ELF2: variants seen among roughly 807,000 people sequenced by gnomAD.
ELF2 encodes E74 like ETS transcription factor 2.
ELF2 carries 11 observed loss-of-function variants against 54.8 expected under a neutral mutation model. The observed-to-expected ratio is 0.20, with a 90% confidence interval of 0.13 to 0.33. ELF2 has a LOEUF of 0.33. Among genes scored for constraint, ELF2 ranks in the 10% least tolerant of loss-of-function variants. The pLI is 1.00. For missense variants in ELF2, 513 were observed against 703.0 expected, an observed-to-expected ratio of 0.73 and a Z score of 3.06; for synonymous variants, 203 against 245.1, an observed-to-expected ratio of 0.83 and a Z score of 1.61.
chr4:139,083,920 C>T (rs139876134), intron 4 of ELF2, among the ~76,000 whole-genome samples: 2 of 152,314 alleles, frequency 1.3e-5, no homozygotes, highest in African/African-American at 4.8e-5. Flanking sequence ...GCGACAGCGC[C>T]GGATTCGAGG....
chr4:139,118,660 A>G (rs1736000302), intron 4 of ELF2, among the ~76,000 whole-genome samples: 1 of 152,150 alleles, frequency 6.6e-6, no homozygotes, highest in African/African-American at 2.4e-5. Context: ...AGGAAAAAGT[A>G]TAAACTGAAG....
At chr4:139,147,446 T>A (rs1739329760) in intron 1 of ELF2, among the ~76,000 whole-genome samples, 1 of 152,184 alleles carries the variant, frequency 6.6e-6, no homozygotes, top group African/African-American at 2.4e-5. Context: ...AAATGTAAAT[T>A]AGTGCAACCT....
intron 3 of ELF2, among the ~76,000 whole-genome samples, chr4:139,132,864 ATATATAT>A (rs1560848524): frequency 6.4e-5 from 9 of 140,912 alleles, no homozygotes; most frequent in South Asian, 4.3e-4. Context: ...ATATATATAT[ATATATAT>A]ATAAAATATG....
chr4:139,073,692 T>C (rs1729851663), intron 4 of ELF2, 125 bp from the exon 5 acceptor site: 2 of 462,520 alleles, frequency 4.3e-6, no homozygotes, highest in South Asian at 8.4e-5. Context: ...TAAAATAACA[T>C]GACTAACTCT....
intron 1 of ELF2, among the ~76,000 whole-genome samples, chr4:139,147,032 C>A (rs1182373551): frequency 1.3e-5 from 2 of 152,038 alleles, no homozygotes; most frequent in Non-Finnish European, 2.9e-5. Flanking sequence ...TAAATGGGAC[C>A]TAATTAAACT....
At chr4:139,144,185 G>C (rs1738992626) in intron 1 of ELF2, among the ~76,000 whole-genome samples, 1 of 152,052 alleles carries the variant, frequency 6.6e-6, no homozygotes, top group Admixed American at 6.6e-5. Context: ...AGTGTGAGAG[G>C]GAGAGAGATT....
chr4:139,113,515 C>G (rs1010181954), intron 4 of ELF2, among the ~76,000 whole-genome samples: 1 of 150,588 alleles, frequency 6.6e-6, no homozygotes, highest in South Asian at 2.1e-4. Context: ...GAGCCAAGAT[C>G]GTGCCACTGC....
chr4:139,092,596 C>T (rs1051315460), intron 4 of ELF2, among the ~76,000 whole-genome samples: 7 of 151,974 alleles, frequency 4.6e-5, no homozygotes, highest in African/African-American at 1.5e-4. Flanking sequence ...CATCCTGGAT[C>T]GAGACCATCC....
intron 4 of ELF2, among the ~76,000 whole-genome samples, chr4:139,107,807 G>A (rs1034709561): frequency 3.9e-5 from 6 of 152,164 alleles, no homozygotes; most frequent in Non-Finnish European, 8.8e-5. Flanking sequence ...ACTCTCACAA[G>A]TATGGGATAG....
intron 1 of ELF2, among the ~76,000 whole-genome samples, chr4:139,143,802 A>G (rs1738949106): frequency 6.6e-6 from 1 of 152,166 alleles, no homozygotes; most frequent in African/African-American, 2.4e-5. Context: ...AAACTAAAAT[A>G]AAGACTAGAA....
intron 4 of ELF2, among the ~76,000 whole-genome samples, chr4:139,118,861 T>C (rs1003695833): frequency 6.6e-6 from 1 of 152,224 alleles, no homozygotes; most frequent in Non-Finnish European, 1.5e-5. Context: ...ATTTATTTTA[T>C]GTAATCTTCA....
intron 1 of ELF2, among the ~76,000 whole-genome samples, chr4:139,156,300 C>T (rs186703511): frequency 6.6e-6 from 1 of 152,030 alleles, no homozygotes; most frequent in Non-Finnish European, 1.5e-5. Flanking sequence ...CTCAGCCTCC[C>T]GAGTAGCTGG....
intron 4 of ELF2, among the ~76,000 whole-genome samples, chr4:139,124,125 G>A (rs1181788402): frequency 6.6e-6 from 1 of 152,092 alleles, no homozygotes; most frequent in Non-Finnish European, 1.5e-5. Context: ...CGAGCCACCT[G>A]CCCCAGTCTC....
At chr4:139,135,692 C>T (rs1738079760) in intron 3 of ELF2, among the ~76,000 whole-genome samples, 3 of 152,088 alleles carry the variant, frequency 2.0e-5, no homozygotes, top group Non-Finnish European at 4.4e-5. Context: ...GTAGCATAAA[C>T]AAAAAACTCC....
At chr4:139,084,613 A>C (rs1282843702) in intron 4 of ELF2, 1 of 171,148 alleles carries the variant, frequency 5.8e-6, no homozygotes, top group Non-Finnish European at 1.2e-5. Flanking sequence ...GCGCGAGGAC[A>C]CAGCCCCTCG....
Position 139,073,588 on chromosome 4 carries a change from A to T in ELF2, c.239-21T>A, listed in dbSNP as rs775410389. 5 of 1,453,926 alleles carry T rather than the reference A, an allele frequency of 3.4e-6. No individual in the cohort carries two copies. In the South Asian group the frequency reaches 7.1e-5, roughly 21 times the overall value. The allele number at this position is 1,453,926 out of a possible 1,614,324, so 90.1% of individuals were successfully genotyped here. ...TTCCACTGGAGGAAAAATAAGTTCT[A>T]CTCAATTAAAAATACACTAAACACA... On this transcript the variant is annotated intron_variant, in intron 4 of 9. Coordinates refer to ENST00000686138, the MANE Select transcript of ELF2 (RefSeq NM_001331036.3).
intron 1 of ELF2, among the ~76,000 whole-genome samples, chr4:139,175,783 A>C (rs1056579881): frequency 3.3e-5 from 5 of 152,220 alleles, no homozygotes; most frequent in African/African-American, 1.2e-4. Context: ...AACACAAGAA[A>C]GGGGGGAATT....
intron 4 of ELF2, among the ~76,000 whole-genome samples, chr4:139,088,245 C>A (rs987912048): frequency 6.8e-6 from 1 of 147,162 alleles, no homozygotes; most frequent in Non-Finnish European, 1.5e-5. Flanking sequence ...TGAGATCACG[C>A]CACTGCACTC....
chr4:139,132,841 CATATAT>C (rs58765596), intron 3 of ELF2, among the ~76,000 whole-genome samples: 27,492 of 114,796 alleles, frequency 0.24, 3,262 homozygotes, highest in African/African-American at 0.33. Context: ...TATTACTTTA[CATATAT>C]ATATATATAT....
Sources: gnomAD v4.1 joint callset for allele counts (sites outside exome capture counted in the v4.1 genomes callset) on GRCh38, gnomAD v4.1.1 for gene constraint, MANE v1.5 for transcripts, NCBI Gene and HGNC (gene_info 2026-07-23, HGNC 2026-07-21) for gene names.